Variants in HMCN1 observed in about 807,000 individuals in gnomAD.
HMCN1 encodes the protein hemicentin-1.
A neutral mutation model predicts 625.9 loss-of-function variants in HMCN1; 321 were observed. The observed-to-expected ratio is 0.51, with a 90% CI of 0.47 to 0.56. The LOEUF (loss-of-function observed/expected upper bound fraction) is 0.56, where lower values mean the gene tolerates loss of function less well. Among genes scored for constraint, HMCN1 ranks in the 20% least tolerant of loss-of-function variants. The pLI, the probability that HMCN1 is intolerant of heterozygous loss-of-function variation, is 0.00. For synonymous variants in HMCN1, 2,425 were observed against 2,417.6 expected (o/e 1.00, Z -0.09); for missense variants, 6,588 against 6,887.3 (o/e 0.96, Z 1.54).
rs150883167 is a variant in HMCN1, at chr1:186,151,334, G to A, written c.14743G>A (p.Val4915Ile). The change falls in exon 94 of 107, where the codon GTA (valine) becomes ATA (isoleucine). Residue 4915 changes from valine to isoleucine, a missense_variant. Coordinates refer to ENST00000271588, the MANE Select transcript of HMCN1 (RefSeq NM_031935.3). ...TRIIRAKITN[V>I]PRSLGSAMRK... is the part of the protein sequence containing the mutation. ...AATAATACGTGCCAAAATTACCAAT[G>A]TACCTCGTAGTCTTGGTAAGTCTTT... 4 of 1,613,334 alleles carry A rather than the reference G, an allele frequency of 2.5e-6. No homozygotes were observed. Among genetic ancestry groups the A allele is most frequent in the South Asian group, 1.1e-5 (1 of 91,068 alleles).
At position 185,963,810 on chromosome 1, in the gene HMCN1, A is replaced by T. The variant is rs763458477; in HGVS notation, c.2013A>T (p.Ala671=). 1.8e-5 allele frequency: 29 copies of T among 1,609,316 alleles called. No individual in the cohort carries two copies. The highest frequency in any genetic ancestry group is 2.6e-6 in the Non-Finnish European group (3 of 1,176,046). Residue 671 remains alanine, a synonymous_variant, in exon 13 of 107, where the codon GCA becomes GCT. Transcript: ENST00000271588. ...TSDGTLFIKN[A]APKDAGIYGC... is the part of the protein sequence containing the mutation. Reference sequence around the variant, plus strand: ...ATGGTACCTTATTTATCAAAAATGCAGCTCCCAAAGATGCAGGGATCTATG... The same window carrying T: ...ATGGTACCTTATTTATCAAAAATGCTGCTCCCAAAGATGCAGGGATCTATG...
intron 40 of HMCN1, among the ~76,000 whole-genome samples, chr1:186,045,482 TAGTG>T: frequency 6.6e-6 from 1 of 152,086 alleles, no homozygotes; most frequent in East Asian, 1.9e-4. Context: ...AATAAGAAGT[TAGTG>T]AGAAATATTT....
At chr1:186,115,687 T>C (rs1661100967) in intron 75 of HMCN1, among the ~76,000 whole-genome samples, 2 of 152,166 alleles carry the variant, frequency 1.3e-5, no homozygotes, top group Admixed American at 1.3e-4. Flanking sequence ...TAGTACCTTT[T>C]GGACTTTTAT....
chr1:186,129,814 TGAA>T, intron 83 of HMCN1, 149 bp from the exon 84 acceptor site: 1 of 878,578 alleles, frequency 1.1e-6, no homozygotes, highest in Non-Finnish European at 1.9e-6. Context: ...ATAGCTCAGA[TGAA>T]GAAATGTGGA....
At chr1:186,042,038 A>G (rs976663171) in intron 40 of HMCN1, among the ~76,000 whole-genome samples, 2 of 152,188 alleles carry the variant, frequency 1.3e-5, no homozygotes, top group African/African-American at 4.8e-5. Context: ...ATATTGTTAT[A>G]TAATTTTTTA....
intron 11 of HMCN1, among the ~76,000 whole-genome samples, chr1:185,940,633 G>T (rs1668033529): frequency 6.6e-6 from 1 of 152,208 alleles, no homozygotes; most frequent in Non-Finnish European, 1.5e-5. Flanking sequence ...GATTGGGGCA[G>T]AACTTAACTT....
chr1:185,909,226 C>T, intron 4 of HMCN1, 111 bp from the exon 5 acceptor site: 2 of 778,968 alleles, frequency 2.6e-6, no homozygotes, highest in Non-Finnish European at 4.5e-6. Context: ...AATTTCACAC[C>T]AGTCCAGGAT....
intron 24 of HMCN1, 91 bp downstream of exon 24, chr1:185,995,178 A>G: frequency 1.7e-6 from 2 of 1,192,182 alleles, no homozygotes; most frequent in South Asian, 1.2e-5. Context: ...ATAATCTTAA[A>G]TGACTTCAGA....
intron 49 of HMCN1, among the ~76,000 whole-genome samples, chr1:186,065,651 A>G (rs1382429378): frequency 6.6e-6 from 1 of 152,206 alleles, no homozygotes; most frequent in Non-Finnish European, 1.5e-5. Flanking sequence ...TGTGCTAGGG[A>G]CACAACTCTG....
intron 36 of HMCN1, among the ~76,000 whole-genome samples, chr1:186,025,167 G>A (rs1654982133): frequency 2.6e-5 from 4 of 151,920 alleles, no homozygotes; most frequent in Admixed American, 1.3e-4. Flanking sequence ...GTACTCCTAG[G>A]AGAATCTACT....
chr1:185,996,342 T>C (rs1489150998), intron 24 of HMCN1, among the ~76,000 whole-genome samples: 1 of 152,070 alleles, frequency 6.6e-6, no homozygotes, highest in Non-Finnish European at 1.5e-5. Flanking sequence ...GCATGTAATA[T>C]TTTGGAGACA....
At chr1:186,188,291 G>A (rs1305281102) in intron 106 of HMCN1, among the ~76,000 whole-genome samples, 1 of 152,172 alleles carries the variant, frequency 6.6e-6, no homozygotes, top group Non-Finnish European at 1.5e-5. Context: ...TCAGCAGCAA[G>A]TGTTTGATGG....
At chr1:185,808,255 G>A (rs779615227) in intron 1 of HMCN1, among the ~76,000 whole-genome samples, 8 of 152,116 alleles carry the variant, frequency 5.3e-5, no homozygotes, top group Non-Finnish European at 2.9e-5. Flanking sequence ...ACTGCGGCAC[G>A]AGAATCCCTT....
chr1:185,863,225 T>C (rs1558023324), intron 2 of HMCN1, among the ~76,000 whole-genome samples: 1 of 152,152 alleles, frequency 6.6e-6, no homozygotes, highest in Non-Finnish European at 1.5e-5. Context: ...GCCCACATGA[T>C]CCCAAGCTGC....
In HMCN1 at chr1:186,110,977, C is replaced by CTTTTTTTTTTTTTTTT; in HGVS notation, c.10990-1829_10990-1814dup. Among the ~76,000 whole-genome samples, 93 of 61,626 alleles carry CTTTTTTTTTTTTTTTT rather than the reference C, an allele frequency of 1.5e-3. 26 individuals are homozygous for CTTTTTTTTTTTTTTTT. Among genetic ancestry groups the CTTTTTTTTTTTTTTTT allele is most frequent in the African/African-American group, 4.0e-3 (41 of 10,184 alleles). The allele number at this position is 61,626 out of a possible 152,430, so 40.4% of individuals were successfully genotyped here. A position where few individuals can be genotyped will look rare whatever the true frequency, so the allele number is the denominator to read the frequency against. On this transcript the variant is annotated intron_variant, in intron 71 of 106. Transcript: ENST00000271588. The stretch of plus-strand genomic sequence containing the variant: ...TACGGAAGAAAAACCAGAGAAAATT[C>CTTTTTTTTTTTTTTTT]TTTTTTTTTTTTTTTTTTTTTGAGA...
rs748791162 is a variant in HMCN1, at chr1:185,977,776, A to C, written c.2372-11A>C. On this transcript the variant is annotated splice_polypyrimidine_tract_variant and intron_variant, in intron 15 of 106. Transcript: ENST00000271588. ...ACCGATGACTTATTTGTTGTTTGTA[A>C]TGTCTTCCAGCACCTCCAGTTTTCA... 5.6e-6 allele frequency: 9 copies of C among 1,593,368 alleles called. No individual in the cohort carries two copies. Among genetic ancestry groups the C allele is most frequent in the Non-Finnish European group, 6.9e-6 (8 of 1,161,514 alleles).
At chr1:186,162,085 T>C (rs1651530241) in intron 97 of HMCN1, among the ~76,000 whole-genome samples, 1 of 152,224 alleles carries the variant, frequency 6.6e-6, no homozygotes, top group Non-Finnish European at 1.5e-5. Context: ...TCTTTACACG[T>C]AGTCCCATAT....
Position 186,052,996 on chromosome 1 carries a change from G to A in HMCN1, c.6622G>A (p.Val2208Ile). The A allele has an allele frequency of 6.2e-7, 1 of 1,607,596 alleles. No homozygotes were observed. The highest frequency in any genetic ancestry group is 8.5e-7 in the Non-Finnish European group (1 of 1,174,780). Residue 2208 changes from valine (V) to isoleucine (I), a missense_variant, in exon 43 of 107, where the codon GTC (valine) becomes ATC (isoleucine). By Grantham distance (29) the Val-to-Ile change is conservative (BLOSUM62 3). Transcript: ENST00000271588. ...GGSDELTQLT[V>I]IEGNLISLLC... ...TTCTGATGAACTTACTCAACTTACA[G>A]TCATTGAAGGGAATCTCATTAGTCT...
intron 1 of HMCN1, among the ~76,000 whole-genome samples, chr1:185,797,965 CAAAAAAA>C (rs35031310): frequency 3.7e-4 from 5 of 13,664 alleles, no homozygotes; most frequent in Admixed American, 1.3e-3. Flanking sequence ...GACTCCGTCT[CAAAAAAA>C]AAAAAAAAAA....
Sources: gnomAD v4.1 joint callset for allele counts (sites outside exome capture counted in the v4.1 genomes callset) on GRCh38, gnomAD v4.1.1 for gene constraint, MANE v1.5 for transcripts, NCBI Gene and HGNC (gene_info 2026-07-23, HGNC 2026-07-21) for gene names.